SLC23A2: variants seen among roughly 807,000 people sequenced by gnomAD.
The protein encoded by SLC23A2 is Na(+)/L-ascorbic acid transporter 2.
In SLC23A2, 36 loss-of-function variants were observed where a neutral mutation model predicts 73.3. The ratio of observed to expected loss-of-function variants is 0.49; its 90% confidence interval spans 0.38 to 0.65. SLC23A2 has a LOEUF of 0.65. Ranked by LOEUF, SLC23A2 falls within the 30% of genes least tolerant of loss-of-function variation. SLC23A2 has a pLI of 0.00. For missense variants in SLC23A2, 507 were observed against 841.6 expected, an observed-to-expected ratio of 0.60 and a Z score of 4.92; for synonymous variants, 343 against 327.3, an observed-to-expected ratio of 1.05 and a Z score of -0.52.
At chr20:4,961,445 G>A (rs1195775978) in intron 2 of SLC23A2, among the ~76,000 whole-genome samples, 1 of 152,072 alleles carries the variant, frequency 6.6e-6, no homozygotes, top group East Asian at 1.9e-4. Flanking sequence ...CCAGAGTGGG[G>A]CCTATCTAAA....
intron 6 of SLC23A2, among the ~76,000 whole-genome samples, chr20:4,894,103 G>A (rs1931433075): frequency 6.6e-6 from 1 of 152,156 alleles, no homozygotes; most frequent in African/African-American, 2.4e-5. Flanking sequence ...CGGAACAAGG[G>A]TTAGCTGGAA....
intron 9 of SLC23A2, among the ~76,000 whole-genome samples, chr20:4,879,269 A>C (rs1375404020): frequency 6.6e-6 from 1 of 151,680 alleles, no homozygotes. Flanking sequence ...ATTAGTCGGG[A>C]GTGGTGGCGG....
intron 3 of SLC23A2, among the ~76,000 whole-genome samples, chr20:4,931,159 T>A (rs1219749665): frequency 1.4e-5 from 2 of 140,834 alleles, no homozygotes; most frequent in Non-Finnish European, 3.0e-5. Context: ...CTGGGCAACA[T>A]AAGGAGACCC....
intron 3 of SLC23A2, among the ~76,000 whole-genome samples, chr20:4,930,992 A>G (rs1186625674): frequency 6.7e-6 from 1 of 149,430 alleles, no homozygotes; most frequent in Admixed American, 6.6e-5. Flanking sequence ...TTTTTTTAAG[A>G]AAAGTTATTT....
intron 1 of SLC23A2, among the ~76,000 whole-genome samples, chr20:4,986,449 G>A (rs2122297696): frequency 6.6e-6 from 1 of 152,186 alleles, no homozygotes; most frequent in South Asian, 2.1e-4. Flanking sequence ...GAGTAGCTGG[G>A]ATTACAGCTG....
intron 6 of SLC23A2, among the ~76,000 whole-genome samples, chr20:4,897,992 G>T (rs1931608820): frequency 6.6e-6 from 1 of 152,214 alleles, no homozygotes; most frequent in Non-Finnish European, 1.5e-5. Flanking sequence ...GCAAGGTAAG[G>T]ATCCTGAGTG....
intron 2 of SLC23A2, among the ~76,000 whole-genome samples, chr20:4,963,281 G>A (rs933094620): frequency 7.2e-5 from 11 of 152,076 alleles, no homozygotes; most frequent in African/African-American, 2.7e-4. Context: ...AGCCAACCAG[G>A]GATCCACGTT....
At chr20:4,945,774 T>G (rs544643226) in intron 2 of SLC23A2, among the ~76,000 whole-genome samples, 17 of 151,402 alleles carry the variant, frequency 1.1e-4, no homozygotes, top group Non-Finnish European at 2.2e-4. Flanking sequence ...GGGAAAAGAG[T>G]CTGCAAGTCA....
intron 2 of SLC23A2, among the ~76,000 whole-genome samples, chr20:4,967,533 A>C (rs1391032363): frequency 6.6e-6 from 1 of 152,222 alleles, no homozygotes; most frequent in Non-Finnish European, 1.5e-5. Context: ...GAAACCACCC[A>C]ATTTCTCCAG....
chr20:4,941,988 C>T (rs1293936145), intron 2 of SLC23A2, among the ~76,000 whole-genome samples: 1 of 151,942 alleles, frequency 6.6e-6, no homozygotes, highest in East Asian at 1.9e-4. Flanking sequence ...CCTGTTTTTA[C>T]TCCTCTATAT....
At chr20:5,001,793 G>A (rs1405806017), upstream of SLC23A2, among the ~76,000 whole-genome samples, 2 of 151,916 alleles carry the variant, frequency 1.3e-5, no homozygotes, top group African/African-American at 4.8e-5. Context: ...CTGGCAAGCA[G>A]AGCGCTGGTC....
chr20:4,873,399 C>T (rs1930527887), intron 11 of SLC23A2, among the ~76,000 whole-genome samples: 1 of 152,170 alleles, frequency 6.6e-6, no homozygotes, highest in Admixed American at 6.5e-5. Context: ...TATTCACACC[C>T]CCAACAGTTA....
intron 3 of SLC23A2, among the ~76,000 whole-genome samples, chr20:4,920,174 T>C (rs1321361146): frequency 1.3e-5 from 2 of 152,132 alleles, no homozygotes; most frequent in South Asian, 2.1e-4. Flanking sequence ...GGCAGGAGAA[T>C]TGCTTGAACC....
At chr20:4,925,180 CAAAAA>C (rs575469662) in intron 3 of SLC23A2, among the ~76,000 whole-genome samples, 2 of 76,414 alleles carry the variant, frequency 2.6e-5, no homozygotes, top group African/African-American at 4.7e-5. Flanking sequence ...AAGACTCTGT[CAAAAA>C]AAAAAAAAAA....
chr20:5,007,703 G>A (rs113907661), intron 1 of SLC23A2, among the ~76,000 whole-genome samples: 2,356 of 151,676 alleles, frequency 0.016, 55 homozygotes, highest in African/African-American at 0.054. Flanking sequence ...CCCCAGCCCC[G>A]GCAACCACTA....
chr20:4,921,435 A>T (rs1329929457), intron 3 of SLC23A2, among the ~76,000 whole-genome samples: 1 of 151,974 alleles, frequency 6.6e-6, no homozygotes, highest in Non-Finnish European at 1.5e-5. Flanking sequence ...CAACAATAAC[A>T]ACTAGCTGGG....
intron 4 of SLC23A2, among the ~76,000 whole-genome samples, chr20:4,912,047 G>A (rs551421822): frequency 1.2e-4 from 18 of 144,176 alleles, no homozygotes; most frequent in Non-Finnish European, 2.6e-4. Context: ...ATCTTGCTAC[G>A]TTGCCCAGGC....
intron 3 of SLC23A2, among the ~76,000 whole-genome samples, chr20:4,921,751 CTTAT>C (rs997769026): frequency 7.8e-4 from 118 of 152,188 alleles, no homozygotes; most frequent in African/African-American, 2.7e-3. Context: ...CTGCAGTGAA[CTTAT>C]TTCTCTTGTA....
At chr20:5,001,016 C>A (rs1212985040) in intron 1 of SLC23A2, among the ~76,000 whole-genome samples, 3 of 152,140 alleles carry the variant, frequency 2.0e-5, no homozygotes, top group African/African-American at 7.2e-5. Flanking sequence ...CCAGGACGCG[C>A]GGGCGCAGAG....
Sources: gnomAD v4.1 joint callset for allele counts (sites outside exome capture counted in the v4.1 genomes callset) on GRCh38, gnomAD v4.1.1 for gene constraint, MANE v1.5 for transcripts, NCBI Gene and HGNC (gene_info 2026-07-23, HGNC 2026-07-21) for gene names.